FKBP1C: variants seen among roughly 807,000 people sequenced by gnomAD.
FKBP1C encodes the protein FKBP prolyl isomerase family member 1C, also known as peptidyl-prolyl cis-trans isomerase FKBP1C.
Under a neutral mutation model 7.1 loss-of-function variants are expected in FKBP1C, and 7 were observed. The observed-to-expected ratio is 0.99, with a 90% CI of 0.56 to 1.86. FKBP1C has a LOEUF of 1.86. FKBP1C is among the 40% of genes most tolerant of loss of function. The pLI, the probability that FKBP1C is intolerant of heterozygous loss-of-function variation, is 0.00. For missense variants in FKBP1C, 159 were observed against 139.9 expected (o/e 1.14, Z -0.69); for synonymous variants, 56 against 51.2 (o/e 1.09, Z -0.40).
exon 1 of FKBP1C, chr6:63,211,877 G>C: frequency 6.2e-7 from 1 of 1,612,858 alleles, no homozygotes; most frequent in East Asian, 2.2e-5. Context: ...TTCTAAAACT[G>C]GAATGACAGG....
chr6:63,211,516 C>A (rs769041623), exon 1 of FKBP1C: 2 of 803,570 alleles, frequency 2.5e-6, no homozygotes, highest in African/African-American at 1.7e-5. Flanking sequence ...CGGTCCACGC[C>A]GCCCGTCGCG....
At chr6:63,212,859 T>G (rs1050556408) in exon 1 of FKBP1C, 3 of 166,874 alleles carry the variant, frequency 1.8e-5, no homozygotes, top group Admixed American at 6.5e-5. Flanking sequence ...CCTCTGCTGA[T>G]CTCAGAGTTT....
chr6:63,211,737 G>C (rs1330741414), exon 1 of FKBP1C: 1 of 1,614,022 alleles, frequency 6.2e-7, no homozygotes, highest in Non-Finnish European at 8.5e-7. Flanking sequence ...CCGAGGCTGG[G>C]AAGAAGGGGT....
chr6:63,211,759 G>A (rs1766108063), exon 1 of FKBP1C: 2 of 1,614,006 alleles, frequency 1.2e-6, no homozygotes, highest in Non-Finnish European at 1.7e-6. Context: ...GTCCAGATGA[G>A]TGTGGGTCAG....
chr6:63,211,504 G>C (rs1766102411), exon 1 of FKBP1C: 1 of 703,870 alleles, frequency 1.4e-6, no homozygotes, highest in East Asian at 2.7e-5. Flanking sequence ...CCAGGTCGCT[G>C]TCGGTCCACG....
chr6:63,212,349 T>G, exon 1 of FKBP1C: 1 of 186,856 alleles, frequency 5.4e-6, no homozygotes, highest in Non-Finnish European at 1.2e-5. Flanking sequence ...TGCAAAACCA[T>G]AGCAGATTTG....
exon 1 of FKBP1C, chr6:63,211,746 G>A: frequency 1.2e-6 from 2 of 1,614,058 alleles, no homozygotes; most frequent in Non-Finnish European, 1.7e-6. Flanking sequence ...GGAAGAAGGG[G>A]TTGTCCAGAT....
rs547263360 is a variant in FKBP1C, at chr6:63,211,793, A to T, written c.237A>T (p.Pro79=). 98 of 1,613,956 alleles carry T rather than the reference A, an allele frequency of 6.1e-5. No homozygotes were observed. In the East Asian group the frequency reaches 2.0e-3, roughly 34 times the overall value. ...AGAGAGCCAAACTGACTATATCTCC[A>T]GATTATGCCTATGGTGCCACTGGGC... Residue 79 remains proline (P), a synonymous_variant, in exon 1 of 1, where the codon CCA becomes CCT. Transcript: ENST00000370659.
At chr6:63,211,858 A>C in exon 1 of FKBP1C, 5 of 1,613,290 alleles carry the variant, frequency 3.1e-6, no homozygotes, top group Non-Finnish European at 4.2e-6. Flanking sequence ...CTCGTCTTCG[A>C]TGTGGAGCTT....
exon 1 of FKBP1C, chr6:63,211,540 C>G (rs753675341): frequency 3.6e-6 from 4 of 1,103,314 alleles, no homozygotes; most frequent in African/African-American, 3.1e-5. Flanking sequence ...CCCGCCCGCT[C>G]GGCGTCGGCC....
At chr6:63,211,876 T>C (rs760954341) in exon 1 of FKBP1C, 24 of 1,612,978 alleles carry the variant, frequency 1.5e-5, no homozygotes, top group Admixed American at 3.3e-5. Context: ...CTTCTAAAAC[T>C]GGAATGACAG....
At position 63,213,020 on chromosome 6, in the gene FKBP1C, T is replaced by C. The variant is rs541215910; in HGVS notation, c.*1137T>C. ...TAAAAGTGCTTTATGCTGGCTTTTC[T>C]CAAAAAATAAATAAATAAATAAATA... On this transcript the variant is annotated 3_prime_UTR_variant, in exon 1 of 1. Coordinates refer to ENST00000370659, the Ensembl canonical transcript of FKBP1C. 6.8e-4 allele frequency: 81 copies of C among 118,258 alleles called. No individual in the cohort carries two copies. In the South Asian group the frequency reaches 0.021, roughly 30 times the overall value. The allele number at this position is 118,258 out of a possible 1,614,324, so 7.3% of individuals were successfully genotyped here. A position where few individuals can be genotyped will look rare whatever the true frequency, so the allele number is the denominator to read the frequency against.
chr6:63,212,428 C>T (rs1231982639), exon 1 of FKBP1C: 3 of 172,528 alleles, frequency 1.7e-5, no homozygotes, highest in Non-Finnish European at 4.2e-5. Flanking sequence ...AAAGCCCTAC[C>T]TAAAACTGAG....
At chr6:63,212,285 A>T (rs1469043950) in exon 1 of FKBP1C, 1 of 253,646 alleles carries the variant, frequency 3.9e-6, no homozygotes, top group East Asian at 9.6e-5. Flanking sequence ...TTTTATTTTA[A>T]TTTTTTGGAT....
At chr6:63,212,157 G>T in exon 1 of FKBP1C, 1 of 586,766 alleles carries the variant, frequency 1.7e-6, no homozygotes, top group Non-Finnish European at 3.1e-6. Context: ...TTGGGGTGAA[G>T]ATTCAGTTTC....
At chr6:63,211,554 G>T in exon 1 of FKBP1C, 1 of 1,291,898 alleles carries the variant, frequency 7.7e-7, no homozygotes, top group Non-Finnish European at 1.1e-6. Context: ...GTCGGCCGCC[G>T]CCATGGGAGT....
At chr6:63,211,835 A>T (rs2127364034) in exon 1 of FKBP1C, 1 of 1,613,022 alleles carries the variant, frequency 6.2e-7, no homozygotes, top group East Asian at 2.2e-5. Context: ...GCATCATCCC[A>T]CCACATGCCA....
chr6:63,211,851 G>C (rs748074789), exon 1 of FKBP1C: 3 of 1,613,080 alleles, frequency 1.9e-6, no homozygotes, highest in African/African-American at 2.7e-5. Flanking sequence ...TGCCACTCTC[G>C]TCTTCGATGT....
chr6:63,212,681 C>T (rs1766124515), exon 1 of FKBP1C: 1 of 166,054 alleles, frequency 6.0e-6, no homozygotes, highest in Admixed American at 6.6e-5. Context: ...AGCTCCACCA[C>T]TTCCTAAATC....
Sources: gnomAD v4.1 joint callset for allele counts on GRCh38, gnomAD v4.1.1 for gene constraint, MANE v1.5 for transcripts, NCBI Gene and HGNC (gene_info 2026-07-23, HGNC 2026-07-21) for gene names.